ZMAT4: variants seen among roughly 807,000 people sequenced by gnomAD.
ZMAT4 encodes zinc finger matrin-type 4.
Under a neutral mutation model 28.7 loss-of-function variants are expected in ZMAT4, and 17 were observed. The ratio of observed to expected loss-of-function variants is 0.59; its 90% CI spans 0.41 to 0.89. The LOEUF is 0.89. ZMAT4 is among the 40% of genes least tolerant of loss of function. The probability of loss-of-function intolerance (pLI) is 0.00; values close to 1 mark genes in which losing one functional copy is unlikely to be tolerated. For missense variants in ZMAT4, 240 were observed against 283.8 expected (o/e 0.85, Z 1.11); for synonymous variants, 117 against 109.2 (o/e 1.07, Z -0.44).
At chr8:40,622,768 A>G (rs1232234324) in intron 5 of ZMAT4, among the ~76,000 whole-genome samples, 2 of 152,164 alleles carry the variant, frequency 1.3e-5, no homozygotes, top group South Asian at 2.1e-4. Flanking sequence ...TTAAGAATCA[A>G]TTCTCACTGG....
intron 1 of ZMAT4, among the ~76,000 whole-genome samples, chr8:40,864,691 C>G (rs574675732): frequency 2.2e-4 from 33 of 152,200 alleles, no homozygotes; most frequent in Non-Finnish European, 4.4e-4. Context: ...GTGACCTACC[C>G]CAGTGACTGG....
At chr8:40,664,634 A>AT (rs1808329904) in intron 5 of ZMAT4, among the ~76,000 whole-genome samples, 1 of 152,154 alleles carries the variant, frequency 6.6e-6, no homozygotes, top group Non-Finnish European at 1.5e-5. Flanking sequence ...CTGTTACAAT[A>AT]TTATGAAGAA....
At chr8:40,785,091 C>A (rs1050114567) in intron 2 of ZMAT4, among the ~76,000 whole-genome samples, 2 of 152,216 alleles carry the variant, frequency 1.3e-5, no homozygotes, top group African/African-American at 2.4e-5. Flanking sequence ...TGCTTCTAAG[C>A]GTTTGCTGAT....
At chr8:40,552,892 C>T (rs1184922219) in intron 6 of ZMAT4, among the ~76,000 whole-genome samples, 3 of 152,150 alleles carry the variant, frequency 2.0e-5, no homozygotes, top group Non-Finnish European at 4.4e-5. Context: ...TAACTTGCTT[C>T]TAACAAATAG....
chr8:40,607,783 A>G (rs1287907905), intron 5 of ZMAT4, among the ~76,000 whole-genome samples: 5 of 152,006 alleles, frequency 3.3e-5, no homozygotes, highest in African/African-American at 1.2e-4. Context: ...GCCAAACTGC[A>G]GTGATTGTTA....
intron 4 of ZMAT4, among the ~76,000 whole-genome samples, chr8:40,680,087 GTC>G (rs1809090886): frequency 6.6e-6 from 1 of 152,138 alleles, no homozygotes; most frequent in African/African-American, 2.4e-5. Context: ...ACATATCACA[GTC>G]TCTCTCCTTC....
Position 40,588,149 on chromosome 8 carries a change from C to A in ZMAT4, c.578-6888G>T, listed in dbSNP as rs542279376. On this transcript the variant is annotated intron_variant, in intron 5 of 6. Coordinates refer to ENST00000297737, the MANE Select transcript of ZMAT4 (RefSeq NM_024645.3). ...TGACTATATATTTAAATGTAAAAAC[C>A]AAAACTATAAAAACATAAAAACAAG... Among the ~76,000 whole-genome samples the A allele has an allele frequency of 1.3e-4, 19 of 151,534 alleles. No individual in the cohort carries two copies. In the East Asian group the frequency reaches 3.7e-3, roughly 29 times the overall value.
At chr8:40,754,806 G>A (rs1346479109) in intron 3 of ZMAT4, among the ~76,000 whole-genome samples, 1 of 152,060 alleles carries the variant, frequency 6.6e-6, no homozygotes, top group Non-Finnish European at 1.5e-5. Context: ...TGAGGCCAGA[G>A]GTTCGAGACC....
chr8:40,688,410 G>T (rs1465566746), intron 4 of ZMAT4, among the ~76,000 whole-genome samples: 1 of 151,954 alleles, frequency 6.6e-6, no homozygotes, highest in Non-Finnish European at 1.5e-5. Flanking sequence ...GAACTGAGAT[G>T]GCACCACTGC....
At chr8:40,739,747 T>C (rs1250807866) in intron 3 of ZMAT4, among the ~76,000 whole-genome samples, 1 of 152,124 alleles carries the variant, frequency 6.6e-6, no homozygotes, top group Non-Finnish European at 1.5e-5. Flanking sequence ...TCGTGTAGGT[T>C]TTAAGCCCAG....
chr8:40,546,368 G>A (rs371887398), intron 6 of ZMAT4, among the ~76,000 whole-genome samples: 10 of 151,590 alleles, frequency 6.6e-5, no homozygotes, highest in East Asian at 1.9e-4. Context: ...CTATGGAGAC[G>A]TACCAGAGCT....
intron 6 of ZMAT4, among the ~76,000 whole-genome samples, chr8:40,571,511 G>T (rs7829042): frequency 0.1 from 15,142 of 152,100 alleles, 1,296 homozygotes; most frequent in African/African-American, 0.23. Context: ...ACCAATTAAA[G>T]ACAGGGCTAG....
chr8:40,815,258 G>C (rs1238200921), intron 2 of ZMAT4, among the ~76,000 whole-genome samples: 1 of 152,152 alleles, frequency 6.6e-6, no homozygotes, highest in African/African-American at 2.4e-5. Flanking sequence ...GTGGGCAACA[G>C]AGCAAGACTC....
At chr8:40,680,439 CTT>C (rs1285041943) in intron 4 of ZMAT4, among the ~76,000 whole-genome samples, 9 of 152,120 alleles carry the variant, frequency 5.9e-5, no homozygotes, top group Non-Finnish European at 1.3e-4. Context: ...TTAGTAAAGA[CTT>C]TGGGAACAAC....
intron 4 of ZMAT4, among the ~76,000 whole-genome samples, chr8:40,675,287 G>T (rs1441729622): frequency 6.6e-6 from 1 of 152,134 alleles, no homozygotes. Context: ...GCCTGGAGTA[G>T]CTTTGAAAAC....
intron 2 of ZMAT4, among the ~76,000 whole-genome samples, chr8:40,776,314 G>C (rs997274227): frequency 6.6e-6 from 1 of 152,198 alleles, no homozygotes; most frequent in Non-Finnish European, 1.5e-5. Flanking sequence ...TTAGGAAAAA[G>C]CAAATTTTTG....
At chr8:40,749,584 T>C (rs534517929) in intron 3 of ZMAT4, among the ~76,000 whole-genome samples, 95 of 152,330 alleles carry the variant, frequency 6.2e-4, no homozygotes, top group Non-Finnish European at 1.2e-3. Context: ...AAAGTTAGGA[T>C]GACCCTGTGA....
At chr8:40,806,524 C>A (rs754575694) in intron 2 of ZMAT4, among the ~76,000 whole-genome samples, 1 of 152,086 alleles carries the variant, frequency 6.6e-6, no homozygotes, top group Non-Finnish European at 1.5e-5. Context: ...AACCACATTT[C>A]GTTTTTAATT....
chr8:40,772,024 A>T (rs571258781), intron 2 of ZMAT4, among the ~76,000 whole-genome samples: 2 of 152,170 alleles, frequency 1.3e-5, no homozygotes, highest in African/African-American at 4.8e-5. Flanking sequence ...TTTCAGGGGG[A>T]AAAAAAGAAC....
Sources: allele counts gnomAD v4.1 joint callset (sites outside exome capture counted in the v4.1 genomes callset), GRCh38; gene constraint gnomAD v4.1.1; transcripts MANE v1.5; gene names NCBI Gene and HGNC (gene_info 2026-07-23, HGNC 2026-07-21).